Variants in GK5 observed in about 807,000 individuals in gnomAD.
GK5 encodes glycerol kinase 5.
GK5 carries 39 observed loss-of-function variants against 77.3 expected under a neutral mutation model. That is an observed-to-expected ratio of 0.50 (90% CI 0.39 to 0.66). The LOEUF (loss-of-function observed/expected upper bound fraction) is 0.66, where lower values mean the gene tolerates loss of function less well. GK5 is among the 30% of genes least tolerant of loss of function. GK5 has a pLI of 0.00. For missense variants in GK5, 487 were observed against 633.8 expected (o/e 0.77, Z 2.49); for synonymous variants, 211 against 208.0 (o/e 1.01, Z -0.13).
At chr3:142,217,491 T>C (rs550787598) in intron 1 of GK5, among the ~76,000 whole-genome samples, 8 of 151,880 alleles carry the variant, frequency 5.3e-5, no homozygotes, top group African/African-American at 1.9e-4. Context: ...AGAAAAAAGA[T>C]TGGAGGAAAA....
chr3:142,217,155 T>C (rs893874862), intron 1 of GK5, among the ~76,000 whole-genome samples: 1 of 152,146 alleles, frequency 6.6e-6, no homozygotes, highest in African/African-American at 2.4e-5. Context: ...AAAGCAGCTA[T>C]TATGAAAATA....
chr3:142,225,281 C>A lies in GK5; in HGVS notation c.147+28G>T, dbSNP rs771439117. On this transcript the variant is annotated intron_variant, in intron 1 of 15. Transcript: ENST00000392993. ...GGGACTCAGCGAAACCCAGTCAGACCCGCGCCCCACGCCCGCCCCCAAGTC... is the reference window on the plus strand; with the variant it reads ...GGGACTCAGCGAAACCCAGTCAGACACGCGCCCCACGCCCGCCCCCAAGTC... 2.6e-5 allele frequency: 39 copies of A among 1,516,686 alleles called. No homozygotes were observed. In the African/African-American group the frequency reaches 4.4e-4, roughly 17 times the overall value. 94.0% of individuals were successfully genotyped at this position (1,516,686 alleles called of 1,614,324 possible). A position where few individuals can be genotyped will look rare whatever the true frequency, so the allele number is the denominator to read the frequency against.
chr3:142,198,805 A>C lies in GK5; in HGVS notation c.540T>G (p.Thr180=), dbSNP rs2063973926. The C allele has an allele frequency of 6.2e-7, 1 of 1,608,808 alleles. No individual in the cohort carries two copies. The highest frequency in any genetic ancestry group is 8.5e-7 in the Non-Finnish European group (1 of 1,178,238). The change falls in exon 5 of 16, where the codon ACT becomes ACG. Residue 180 remains threonine, a synonymous_variant. Transcript: ENST00000392993. ...LRLVWILQNL[T]EVQKAVEEEN... Reference sequence around the variant, plus strand: ...CATACACACAGTATTTTCTTACCTCAGTCAAGTTCTGTAAAATCCAGACCA... The same window carrying C: ...CATACACACAGTATTTTCTTACCTCCGTCAAGTTCTGTAAAATCCAGACCA...
At chr3:142,188,683 A>G (rs2063808206) in intron 5 of GK5, among the ~76,000 whole-genome samples, 1 of 152,276 alleles carries the variant, frequency 6.6e-6, no homozygotes, top group Non-Finnish European at 1.5e-5. Context: ...TTTGTGACAC[A>G]TGAAAATTAT....
At chr3:142,170,985 G>A (rs781486365) in intron 14 of GK5, among the ~76,000 whole-genome samples, 5 of 152,008 alleles carry the variant, frequency 3.3e-5, no homozygotes, top group African/African-American at 4.8e-5. Context: ...TCCCAGCACT[G>A]TGGGAGGCTG....
At chr3:142,174,468 GT>G (rs1181531791) in intron 12 of GK5, among the ~76,000 whole-genome samples, 1 of 152,172 alleles carries the variant, frequency 6.6e-6, no homozygotes, top group Non-Finnish European at 1.5e-5. Context: ...AATATGCTAT[GT>G]TTTTTTCCTG....
In GK5 at chr3:142,181,477, T is replaced by C. The variant is rs540564267; in HGVS notation, c.1032A>G (p.Lys344=). 1 of 1,609,072 alleles carries C rather than the reference T, an allele frequency of 6.2e-7. No individual in the cohort carries two copies. The highest frequency in any genetic ancestry group is 1.3e-5 in the African/African-American group (1 of 74,828). The change falls in exon 11 of 16, where the codon AAA becomes AAG. Residue 344 remains lysine, a synonymous_variant. Transcript: ENST00000392993. The part of the protein sequence containing the change: ...SNAGDTGTAI[K]WAQQLDLFTD... ...ACAACTTACCTAACTGCTGAGCCCA[T>C]TTTATGGCAGTACCAGTGTCTCCTG...
Position 142,198,860 on chromosome 3 carries a change from G to A in GK5, c.485C>T (p.Thr162Ile). ...SKRLFTASLF[T>I]FTTQQTSLRL... ...CAAAGAAGTCTGCTGGGTTGTGAAA[G>A]TGAACAAACTGGCTGTAAAAAGTCG... The change falls in exon 5 of 16, where the codon ACT becomes ATT. Residue 162 changes from threonine to isoleucine, a missense_variant. Thr to Ile is a moderately conservative substitution (Grantham distance 89, BLOSUM62 -1). Coordinates refer to ENST00000392993, the MANE Select transcript of GK5 (RefSeq NM_001039547.3). 6.2e-7 allele frequency: 1 copy of A among 1,613,634 alleles called. No individual in the cohort carries two copies. Among genetic ancestry groups the A allele is most frequent in the Middle Eastern group, 1.6e-4 (1 of 6,062 alleles).
At chr3:142,217,499 A>G (rs1181407936) in intron 1 of GK5, among the ~76,000 whole-genome samples, 1 of 152,150 alleles carries the variant, frequency 6.6e-6, no homozygotes, top group East Asian at 1.9e-4. Flanking sequence ...GATTGGAGGA[A>G]AAAGAAGAAC....
intron 1 of GK5, among the ~76,000 whole-genome samples, chr3:142,223,347 A>G (rs1366648897): frequency 1.3e-5 from 2 of 152,256 alleles, no homozygotes; most frequent in Non-Finnish European, 2.9e-5. Flanking sequence ...GGAGACTTTA[A>G]AAAGTATCGT....
In GK5 at chr3:142,224,771, A is replaced by G. The variant is rs117240545; in HGVS notation, c.147+538T>C. On this transcript the variant is annotated intron_variant, in intron 1 of 15. Transcript: ENST00000392993. ...AGTAGTTAATAAAGATGACAAGTGA[A>G]GAATAGAGAATAAACTTAAATTCTA... Among the ~76,000 whole-genome samples the G allele has an allele frequency of 2.4e-3, 361 of 152,374 alleles. 6 individuals carry two copies. The East Asian group carries it at 0.051, about 22-fold the overall frequency.
At position 142,158,315 on chromosome 3, in the gene GK5, T is replaced by G. The variant is rs138494020; in HGVS notation, c.*7307A>C. On this transcript the variant is annotated 3_prime_UTR_variant, in exon 16 of 16. Coordinates refer to ENST00000392993, the MANE Select transcript of GK5 (RefSeq NM_001039547.3). ...ATATCCTCAAACTCCTGGGCTCAAG[T>G]GATTCTCCAGCCTCAGCCTCCTGAG... 2 of 152,120 alleles carry G rather than the reference T, an allele frequency of 1.3e-5. No homozygotes were observed. Among genetic ancestry groups the G allele is most frequent in the East Asian group, 3.9e-4 (2 of 5,166 alleles). 9.4% of individuals were successfully genotyped at this position (152,120 alleles called of 1,614,324 possible).
At chr3:142,195,333 T>TTG (rs151095141) in intron 5 of GK5, among the ~76,000 whole-genome samples, 15 of 151,638 alleles carry the variant, frequency 9.9e-5, no homozygotes, top group South Asian at 2.1e-4. Flanking sequence ...TGTTGAAGTT[T>TTG]TGTGTGTGTG....
At position 142,181,451 on chromosome 3, in the gene GK5, G is replaced by A. The variant is rs1275264588; in HGVS notation, c.1048+10C>T. 4 of 1,557,628 alleles carry A rather than the reference G, an allele frequency of 2.6e-6. No individual in the cohort carries two copies. In the African/African-American group the frequency reaches 5.5e-5, roughly 21 times the overall value. On this transcript the variant is annotated intron_variant, in intron 11 of 15. Coordinates refer to ENST00000392993, the MANE Select transcript of GK5 (RefSeq NM_001039547.3). The stretch of plus-strand genomic sequence containing the variant: ...TCTGGCTTGTGAAATCCATTTAAAA[G>A]ACAACTTACCTAACTGCTGAGCCCA...
chr3:142,222,826 C>T (rs2064371594), intron 1 of GK5, among the ~76,000 whole-genome samples: 1 of 152,064 alleles, frequency 6.6e-6, no homozygotes, highest in Non-Finnish European at 1.5e-5. Context: ...AAATCCCAAA[C>T]GTTTCATTAC....
chr3:142,170,108 TGACTGAAGGGG>T, intron 15 of GK5: 1 of 620,934 alleles, frequency 1.6e-6, no homozygotes, highest in East Asian at 2.8e-5. Flanking sequence ...CTCATACTTC[TGACTGAAGGGG>T]TGAGGTGAGG....
chr3:142,172,302 G>T, intron 13 of GK5, 51 bp downstream of exon 13: 2 of 816,160 alleles, frequency 2.5e-6, no homozygotes, highest in Non-Finnish European at 2.0e-6. Context: ...ATTAATGAAA[G>T]ACATGGCAAT....
At chr3:142,200,170 G>C (rs1314362105) in intron 4 of GK5, among the ~76,000 whole-genome samples, 1 of 151,678 alleles carries the variant, frequency 6.6e-6, no homozygotes, top group Non-Finnish European at 1.5e-5. Flanking sequence ...TTTTGAGACA[G>C]AGTCTCACTC....
At chr3:142,221,642 A>C (rs960707242) in intron 1 of GK5, among the ~76,000 whole-genome samples, 1 of 152,238 alleles carries the variant, frequency 6.6e-6, no homozygotes, top group African/African-American at 2.4e-5. Context: ...CAACCAAGAC[A>C]TTATCATTTT....
Sources: gnomAD v4.1 joint callset for allele counts (sites outside exome capture counted in the v4.1 genomes callset) on GRCh38, gnomAD v4.1.1 for gene constraint, MANE v1.5 for transcripts, NCBI Gene and HGNC (gene_info 2026-07-23, HGNC 2026-07-21) for gene names.